TASP1: variants seen among roughly 807,000 people sequenced by gnomAD.
TASP1 encodes taspase 1.
In TASP1, 16 loss-of-function variants were observed where a neutral mutation model predicts 56.6. The ratio of observed to expected loss-of-function variants is 0.28; its 90% CI spans 0.19 to 0.43. TASP1 has a LOEUF of 0.43. Ranked by LOEUF, TASP1 falls within the 20% of genes least tolerant of loss-of-function variation. TASP1 has a pLI of 1.00. For synonymous variants in TASP1, 179 were observed against 184.2 expected (o/e 0.97, Z 0.23); for missense variants, 393 against 511.6 (o/e 0.77, Z 2.24).
Position 13,393,101 on chromosome 20 carries a change from T to C in TASP1, c.1171-2649A>G, listed in dbSNP as rs2123579581. 3 of 625,328 alleles carry C rather than the reference T, an allele frequency of 4.8e-6. No homozygotes were observed. In the Admixed American group the frequency reaches 5.7e-5, roughly 12 times the overall value. The allele number at this position is 625,328 out of a possible 1,614,324, so 38.7% of individuals were successfully genotyped here. ...TGAACCATGAGAAGTATGACAACAG[T>C]CTCAAGATCGTCAGCAATGCCTCCT... On this transcript the variant is annotated intron_variant, in intron 13 of 13. Transcript: ENST00000337743.
At chr20:13,222,992 G>A in the TASP1 span, among the ~76,000 whole-genome samples, 3 of 151,976 alleles carry the variant, frequency 2.0e-5, no homozygotes, top group Non-Finnish European at 4.4e-5. Context: ...GTGAAACCCC[G>A]TCTCTACTAA....
chr20:13,503,314 T>G (rs774163326), intron 10 of TASP1, among the ~76,000 whole-genome samples: 1 of 152,046 alleles, frequency 6.6e-6, no homozygotes, highest in Non-Finnish European at 1.5e-5. Context: ...CAAATAGAAG[T>G]GTCTTGTGCA....
the TASP1 span, among the ~76,000 whole-genome samples, chr20:13,330,342 G>A: frequency 6.6e-5 from 10 of 152,178 alleles, no homozygotes; most frequent in African/African-American, 2.4e-4. Flanking sequence ...TACATTGATT[G>A]ATTTTTGAAT....
At chr20:13,383,412 AAAAATT>A in the TASP1 span, among the ~76,000 whole-genome samples, 2 of 152,358 alleles carry the variant, frequency 1.3e-5, no homozygotes, top group South Asian at 4.1e-4. Flanking sequence ...GAAGGAAAGT[AAAAATT>A]CAAGGATGTC....
chr20:13,493,965 T>A (rs1432549130), intron 10 of TASP1, among the ~76,000 whole-genome samples: 1 of 152,174 alleles, frequency 6.6e-6, no homozygotes, highest in African/African-American at 2.4e-5. Flanking sequence ...GAGGCAACCA[T>A]CACCAGTAAA....
the TASP1 span, among the ~76,000 whole-genome samples, chr20:13,321,192 A>T: frequency 0.02 from 2,894 of 147,856 alleles, 109 homozygotes; most frequent in African/African-American, 0.07. Flanking sequence ...ACAGAATGAG[A>T]CCCTGTCTCC....
chr20:13,288,634 C>T, the TASP1 span: 4 of 1,613,792 alleles, frequency 2.5e-6, no homozygotes, highest in Admixed American at 1.7e-5. Flanking sequence ...CTTGTGGCTA[C>T]GCGTGCACTG....
At chr20:13,223,686 A>G in the TASP1 span, among the ~76,000 whole-genome samples, 7 of 152,246 alleles carry the variant, frequency 4.6e-5, no homozygotes, top group Non-Finnish European at 7.3e-5. Context: ...GTGGGTAGAT[A>G]AGTACAGTGA....
chr20:13,564,478 CT>C (rs2046447294), intron 7 of TASP1, among the ~76,000 whole-genome samples: 1 of 151,324 alleles, frequency 6.6e-6, no homozygotes, highest in Admixed American at 6.6e-5. Flanking sequence ...GAATTGGAAG[CT>C]TTAATATTGT....
chr20:13,389,987 TA>T lies in TASP1; in HGVS notation c.*372del. The T allele has an allele frequency of 5.2e-6, 1 of 194,088 alleles. No homozygotes were observed. The highest frequency in any genetic ancestry group is 1.1e-5 in the Non-Finnish European group (1 of 92,898). 12.0% of individuals were successfully genotyped at this position (194,088 alleles called of 1,614,324 possible). On this transcript the variant is annotated 3_prime_UTR_variant, in exon 14 of 14. Coordinates refer to ENST00000337743, the MANE Select transcript of TASP1 (RefSeq NM_017714.3). ...CGACAGTTGGTACCTCTTTACGAAA[TA>T]AAAAATGTTTCCTGCAACTTTAGGT...
the TASP1 span, among the ~76,000 whole-genome samples, chr20:13,343,039 C>T: frequency 3.4e-3 from 523 of 152,268 alleles, 1 homozygote; most frequent in Non-Finnish European, 6.5e-3. Context: ...GAGGAAATAC[C>T]ACAACATGGC....
the TASP1 span, among the ~76,000 whole-genome samples, chr20:13,325,633 G>A: frequency 3.3e-5 from 5 of 152,304 alleles, no homozygotes; most frequent in East Asian, 9.7e-4. Context: ...ATTCCTTTCA[G>A]AAGAAAGCCA....
intron 13 of TASP1, among the ~76,000 whole-genome samples, chr20:13,396,960 C>T (rs948936228): frequency 2.6e-5 from 4 of 152,330 alleles, no homozygotes; most frequent in East Asian, 1.9e-4. Context: ...GCATATTCTT[C>T]CAGCCTACAG....
the TASP1 span, among the ~76,000 whole-genome samples, chr20:13,346,171 G>A: frequency 2.0e-5 from 3 of 152,128 alleles, no homozygotes; most frequent in Non-Finnish European, 4.4e-5. Context: ...GAACAACTGA[G>A]CTTTTGATTT....
intron 10 of TASP1, among the ~76,000 whole-genome samples, chr20:13,523,461 T>C (rs2044847890): frequency 6.6e-6 from 1 of 152,172 alleles, no homozygotes; most frequent in African/African-American, 2.4e-5. Flanking sequence ...GACAAAGGTC[T>C]CTGGGCACGA....
chr20:13,337,298 G>C, the TASP1 span, among the ~76,000 whole-genome samples: 1 of 152,240 alleles, frequency 6.6e-6, no homozygotes, highest in African/African-American at 2.4e-5. Context: ...GTGAGTCTCT[G>C]ATTTTCAGTT....
chr20:13,355,859 T>G, the TASP1 span, among the ~76,000 whole-genome samples: 1 of 152,142 alleles, frequency 6.6e-6, no homozygotes, highest in African/African-American at 2.4e-5. Context: ...TAGTCCTGTA[T>G]TATCTTGGTC....
At chr20:13,530,284 A>G (rs762977228) in intron 9 of TASP1, among the ~76,000 whole-genome samples, 4 of 152,182 alleles carry the variant, frequency 2.6e-5, no homozygotes, top group Non-Finnish European at 4.4e-5. Flanking sequence ...GCAAGAACTG[A>G]GCGGGATACT....
chr20:13,628,588 C>T (rs755962994), intron 2 of TASP1, among the ~76,000 whole-genome samples: 5 of 152,156 alleles, frequency 3.3e-5, no homozygotes, highest in Non-Finnish European at 7.3e-5. Flanking sequence ...GTTGTCCAGT[C>T]TAGATATGGC....
Sources: allele counts gnomAD v4.1 joint callset (sites outside exome capture counted in the v4.1 genomes callset), GRCh38; gene constraint gnomAD v4.1.1; transcripts MANE v1.5; gene names NCBI Gene and HGNC (gene_info 2026-07-23, HGNC 2026-07-21).